The following KLHL13 variants were observed in gnomAD, a reference collection of about 807,000 sequenced individuals.
The protein encoded by KLHL13 is kelch like family member 13.
In KLHL13, 10 loss-of-function variants were observed where a neutral mutation model predicts 37.1. The observed-to-expected ratio is 0.27, with a 90% CI of 0.17 to 0.46. KLHL13 has a LOEUF of 0.46. Ranked by LOEUF, KLHL13 falls within the 20% of genes least tolerant of loss-of-function variation. The probability of loss-of-function intolerance (pLI) is 1.00; values close to 1 mark genes in which losing one functional copy is unlikely to be tolerated. For synonymous variants in KLHL13, 163 were observed against 181.2 expected, an observed-to-expected ratio of 0.90 and a Z score of 0.81; for missense variants, 360 against 509.3, an observed-to-expected ratio of 0.71 and a Z score of 2.82.
intron 1 of KLHL13, among the ~76,000 whole-genome samples, chrX:117,964,635 G>A (rs1393779923): frequency 6.3e-5 from 7 of 111,312 alleles, no homozygotes; most frequent in Non-Finnish European, 9.4e-5. Context: ...TGTGCACAAC[G>A]TGCAGCTTTG....
chrX:117,991,878 TC>T (rs2053795535), intron 1 of KLHL13, among the ~76,000 whole-genome samples: 2 of 107,400 alleles, frequency 1.9e-5, no homozygotes, highest in Non-Finnish European at 3.8e-5. Context: ...TCTCTCTCTC[TC>T]TCTCTCTCTC....
At chrX:118,035,272 G>T (rs184642747) in intron 1 of KLHL13, among the ~76,000 whole-genome samples, 4 of 100,149 alleles carry the variant, frequency 4.0e-5, no homozygotes, top group South Asian at 4.0e-4. Flanking sequence ...TACCAAAGCC[G>T]GGCAGAGACA....
intron 1 of KLHL13, among the ~76,000 whole-genome samples, chrX:118,047,114 C>G (rs1016397332): frequency 4.5e-5 from 5 of 111,765 alleles, no homozygotes; most frequent in Non-Finnish European, 9.4e-5. Context: ...TTCAGGACAA[C>G]TGGGTAGCCA....
At chrX:118,028,262 T>A (rs2054295821) in intron 1 of KLHL13, among the ~76,000 whole-genome samples, 162 bp downstream of exon 2, 1 of 112,032 alleles carries the variant, frequency 8.9e-6, no homozygotes, top group African/African-American at 3.2e-5. Context: ...ACTAACATCC[T>A]CTTTATTCAA....
At chrX:117,898,883 C>T (rs746443037) in exon 7 of KLHL13, 9 of 1,174,227 alleles carry the variant, frequency 7.7e-6, no homozygotes, top group Non-Finnish European at 1.0e-5. Context: ...GATAGAACTA[C>T]AGCATCTTAG....
intron 1 of KLHL13, among the ~76,000 whole-genome samples, chrX:117,953,355 G>A (rs1055058816): frequency 1.0e-4 from 11 of 110,201 alleles, no homozygotes; most frequent in Non-Finnish European, 1.7e-4. Flanking sequence ...ATTGAACAAT[G>A]AGAAAACATG....
At chrX:118,030,148 A>G (rs1174747923) in intron 1 of KLHL13, among the ~76,000 whole-genome samples, 2 of 111,780 alleles carry the variant, frequency 1.8e-5, no homozygotes, top group Non-Finnish European at 3.8e-5. Flanking sequence ...CATAATTCTA[A>G]AAAGCAAATA....
At chrX:117,984,207 G>T (rs1255824608) in intron 1 of KLHL13, among the ~76,000 whole-genome samples, 1 of 111,468 alleles carries the variant, frequency 9.0e-6, no homozygotes, top group Non-Finnish European at 1.9e-5. Flanking sequence ...CATACTTCTG[G>T]TACTGCCTCA....
intron 1 of KLHL13, among the ~76,000 whole-genome samples, chrX:118,074,886 T>C (rs1009633380): frequency 3.8e-4 from 42 of 111,827 alleles, no homozygotes; most frequent in African/African-American, 1.1e-3. Flanking sequence ...ACTACTTATA[T>C]TGAGAGTTAC....
At chrX:118,116,815 G>A (rs1362892602), upstream of KLHL13, 1 of 102,102 alleles carries the variant, frequency 9.8e-6, no homozygotes, top group Non-Finnish European at 2.0e-5. Context: ...GGGTGTGGGG[G>A]GGCTGCTGAG....
chrX:117,925,978 C>T (rs1931992529), intron 2 of KLHL13, among the ~76,000 whole-genome samples: 1 of 111,402 alleles, frequency 9.0e-6, no homozygotes, highest in African/African-American at 3.3e-5. Flanking sequence ...TGAGTCACCA[C>T]ACCTGCCCAA....
At chrX:118,112,847 T>C (rs1400973764) in intron 1 of KLHL13, among the ~76,000 whole-genome samples, 1 of 111,719 alleles carries the variant, frequency 9.0e-6, no homozygotes. Flanking sequence ...ACAGTAACCC[T>C]AATCTCTCAA....
rs185121454 is a variant in KLHL13 at position 117,908,066 on chromosome X, A to T, written c.1366+1235T>A. On this transcript the variant is annotated intron_variant, in intron 5 of 6. Coordinates refer to ENST00000262820, the Ensembl canonical transcript of KLHL13. ...CCTGGAATTGGTCAACTACAAGGACATTATTTATTTATTTATTTATTTATT... is the reference window on the plus strand; with the variant it reads ...CCTGGAATTGGTCAACTACAAGGACTTTATTTATTTATTTATTTATTTATT... Among the ~76,000 whole-genome samples, 42 of 99,211 alleles carry T rather than the reference A, an allele frequency of 4.2e-4. No individual in the cohort carries two copies. The East Asian group carries it at 4.8e-3, about 11-fold the overall frequency. The allele number at this position is 99,211 out of a possible 115,157, so 86.2% of individuals were successfully genotyped here.
At chrX:118,018,652 A>G (rs927852684) in intron 1 of KLHL13, among the ~76,000 whole-genome samples, 6 of 111,602 alleles carry the variant, frequency 5.4e-5, no homozygotes, top group Non-Finnish European at 1.1e-4. Flanking sequence ...CATGGTATGT[A>G]TAACTGTCCA....
intron 1 of KLHL13, among the ~76,000 whole-genome samples, chrX:117,981,252 GT>G (rs1215012538): frequency 8.9e-6 from 1 of 112,169 alleles, no homozygotes; most frequent in Non-Finnish European, 1.9e-5. Flanking sequence ...ATCACAGCTT[GT>G]TTTGGCATTA....
intron 1 of KLHL13, among the ~76,000 whole-genome samples, chrX:118,076,039 A>C (rs938075126): frequency 1.8e-5 from 2 of 111,864 alleles, no homozygotes; most frequent in Admixed American, 1.9e-4. Flanking sequence ...GGCAGAACAG[A>C]CCAGTTTCTA....
At chrX:118,023,177 T>C (rs1441562298) in intron 1 of KLHL13, among the ~76,000 whole-genome samples, 2 of 111,850 alleles carry the variant, frequency 1.8e-5, no homozygotes, top group Non-Finnish European at 3.8e-5. Context: ...TAATTATGCC[T>C]CTTTACTGAC....
intron 1 of KLHL13, among the ~76,000 whole-genome samples, chrX:118,027,987 T>C (rs897498759): frequency 1.8e-5 from 2 of 112,010 alleles, no homozygotes; most frequent in Non-Finnish European, 3.8e-5. Flanking sequence ...GCTTTAAATA[T>C]CTCATAGTAA....
At position 118,110,813 on chromosome X, in the gene KLHL13, T is replaced by C. The variant is rs761886515; in HGVS notation, c.-56+5695A>G. ...TTACCCCCACCCCCACAAAAGACTC[T>C]CTTGTGCTAAAGAAGCATAGGTTGG... is the stretch of plus-strand genomic sequence containing the variant. On this transcript the variant is annotated intron_variant, in intron 1 of 6. Coordinates refer to the KLHL13 transcript ENST00000371882. Among the ~76,000 whole-genome samples the C allele has an allele frequency of 1.6e-4, 18 of 111,331 alleles. 1 individual carries two copies. The highest frequency in any genetic ancestry group is 5.6e-4 in the African/African-American group (17 of 30,625).
Sources: gnomAD v4.1 joint callset for allele counts (sites outside exome capture counted in the v4.1 genomes callset) on GRCh38, gnomAD v4.1.1 for gene constraint, MANE v1.5 for transcripts, NCBI Gene and HGNC (gene_info 2026-07-23, HGNC 2026-07-21) for gene names.